The following PTPN5 variants were observed in gnomAD, a reference collection of about 807,000 sequenced individuals.
PTPN5 encodes protein tyrosine phosphatase non-receptor type 5.
A neutral mutation model predicts 73.9 loss-of-function variants in PTPN5; 29 were observed. The observed-to-expected ratio is 0.39, with a 90% CI of 0.29 to 0.54. The LOEUF (loss-of-function observed/expected upper bound fraction) is 0.54, where lower values mean the gene tolerates loss of function less well. PTPN5 is among the 20% of genes least tolerant of loss of function. The pLI, the probability that PTPN5 is intolerant of heterozygous loss-of-function variation, is 0.65. For missense variants in PTPN5, 652 were observed against 751.4 expected, an observed-to-expected ratio of 0.87 and a Z score of 1.55; for synonymous variants, 267 against 304.7, an observed-to-expected ratio of 0.88 and a Z score of 1.29.
Position 18,742,585 on chromosome 11 carries a change from C to A in PTPN5, c.484-82G>T. 1 of 1,551,194 alleles carries A rather than the reference C, an allele frequency of 6.4e-7. No individual in the cohort carries two copies. ...CCTGGAGTGCCCATGGGATTGACGC[C>A]CCCCCACTCCCTCAGTGTGTCTAGA... On this transcript the variant is annotated intron_variant, in intron 6 of 14. Transcript: ENST00000358540. The surrounding 1 kb of genome is among the most constrained non-coding windows in gnomAD (Gnocchi z 4.1).
rs1320604870 is a variant in PTPN5 at position 18,742,586 on chromosome 11, C to T, written c.484-83G>A. 1.9e-6 allele frequency: 3 copies of T among 1,550,646 alleles called. No individual in the cohort carries two copies. The African/African-American group carries it at 4.1e-5, about 21-fold the overall frequency. On this transcript the variant is annotated intron_variant, in intron 6 of 14. Transcript: ENST00000358540. This position sits in a 1 kb window ranked among gnomAD's most constrained non-coding sequence, Gnocchi z 4.1. ...CTGGAGTGCCCATGGGATTGACGCC[C>T]CCCCACTCCCTCAGTGTGTCTAGAG... is the stretch of plus-strand genomic sequence containing the variant.
chr11:18,781,644 A>T (rs1201515212), intron 1 of PTPN5, among the ~76,000 whole-genome samples: 1 of 152,100 alleles, frequency 6.6e-6, no homozygotes, highest in East Asian at 1.9e-4. Context: ...GGGGTGGTTC[A>T]GAATATATTT....
intron 3 of PTPN5, among the ~76,000 whole-genome samples, chr11:18,761,023 T>A (rs1255333438): frequency 6.6e-6 from 1 of 152,246 alleles, no homozygotes; most frequent in Non-Finnish European, 1.5e-5. Flanking sequence ...GGAGTAGCTA[T>A]TAGGGTGGAG....
chr11:18,782,001 C>G (rs1433596518), intron 1 of PTPN5, among the ~76,000 whole-genome samples: 1 of 152,224 alleles, frequency 6.6e-6, no homozygotes, highest in African/African-American at 2.4e-5. Context: ...GTATGCCAGG[C>G]AGACGAGGCA....
chr11:18,765,044 A>C (rs1418385048), intron 3 of PTPN5, among the ~76,000 whole-genome samples: 1 of 152,216 alleles, frequency 6.6e-6, no homozygotes, highest in Non-Finnish European at 1.5e-5. Flanking sequence ...AATGTTCAGA[A>C]GGAGAGATAT....
chr11:18,742,293 G>C lies in PTPN5; in HGVS notation c.694C>G (p.Leu232Val). ...DIKPEADPTS[L>V]TVKSMGLQER... The stretch of plus-strand genomic sequence containing the variant: ...TGCAGACCCATGGACTTGACGGTGA[G>C]TGAGGTGGGGTCAGCCTCAGGCTTG... Residue 232 changes from leucine (L) to valine (V), a missense_variant, in exon 7 of 15, where the codon CTC becomes GTC. Leu to Val is a conservative substitution (Grantham distance 32). Coordinates refer to ENST00000358540, the MANE Select transcript of PTPN5 (RefSeq NM_006906.2). The surrounding 1 kb of genome is among the most constrained non-coding windows in gnomAD (Gnocchi z 4.1). The C allele has an allele frequency of 6.2e-7, 1 of 1,614,164 alleles. No homozygotes were observed. Among genetic ancestry groups the C allele is most frequent in the Non-Finnish European group, 8.5e-7 (1 of 1,180,044 alleles).
At position 18,777,017 on chromosome 11, in the gene PTPN5, C is replaced by T. The variant is rs548120303; in HGVS notation, c.-113-4946G>A. Among the ~76,000 whole-genome samples the T allele has an allele frequency of 3.0e-4, 45 of 152,170 alleles. No individual in the cohort carries two copies. In the South Asian group the frequency reaches 8.3e-3, roughly 28 times the overall value. On this transcript the variant is annotated intron_variant, in intron 1 of 14. Coordinates refer to ENST00000358540, the MANE Select transcript of PTPN5 (RefSeq NM_006906.2). The stretch of plus-strand genomic sequence containing the variant: ...TCTCTACTAAAAATACAAAATTAGC[C>T]GGGCGTGGTGGCGGGCGCCTGTAAT...
Position 18,733,271 on chromosome 11 carries a change from G to C in PTPN5, c.1182C>G (p.Ile394Met). ...CCTCGATGTTGGTGATCATGACAAT[G>C]ATGGGCGTGTGCTCCTGCCACACCA... is the stretch of plus-strand genomic sequence containing the variant. ...WRMVWQEHTP[I>M]IVMITNIEEM... is the part of the protein sequence containing the mutation. The change falls in exon 11 of 15, where the codon ATC becomes ATG. Residue 394 changes from isoleucine (I) to methionine (M), a missense_variant. Ile to Met is a conservative substitution (Grantham distance 10). Coordinates refer to ENST00000358540, the MANE Select transcript of PTPN5 (RefSeq NM_006906.2). The surrounding 1 kb of genome is among the most constrained non-coding windows in gnomAD (Gnocchi z 4.3). 1 of 1,614,032 alleles carries C rather than the reference G, an allele frequency of 6.2e-7. No individual in the cohort carries two copies. Among genetic ancestry groups the C allele is most frequent in the South Asian group, 1.1e-5 (1 of 91,090 alleles).
Position 18,743,058 on chromosome 11 carries a change from C to T in PTPN5, c.417G>A (p.Gly139=), listed in dbSNP as rs899030044. ...QLEPTAWLDS[G]TWGVPSLLLV... Reference sequence around the variant, plus strand: ...GCAGCAGACTGGGGACTCCCCACGTCCCAGAGTCAAGCCAGGCCTGGGGAA... The same window carrying T: ...GCAGCAGACTGGGGACTCCCCACGTTCCAGAGTCAAGCCAGGCCTGGGGAA... Residue 139 remains glycine, a synonymous_variant, in exon 6 of 15, where the codon GGG becomes GGA. Coordinates refer to ENST00000358540, the MANE Select transcript of PTPN5 (RefSeq NM_006906.2). 5 of 1,551,382 alleles carry T rather than the reference C, an allele frequency of 3.2e-6. No individual in the cohort carries two copies. Among genetic ancestry groups the T allele is most frequent in the Non-Finnish European group, 4.4e-6 (5 of 1,146,660 alleles).
rs116891792 is a variant in PTPN5 at position 18,733,277 on chromosome 11, C to G, written c.1176G>C (p.Thr392=). The change falls in exon 11 of 15, where the codon ACG becomes ACC. Residue 392 remains threonine, a synonymous_variant. Transcript: ENST00000358540. The surrounding 1 kb of genome is among the most constrained non-coding windows in gnomAD (Gnocchi z 4.3). ...DFWRMVWQEH[T]PIIVMITNIE... ...TGTTGGTGATCATGACAATGATGGG[C>G]GTGTGCTCCTGCCACACCATGCGCC... 1 of 1,614,000 alleles carries G rather than the reference C, an allele frequency of 6.2e-7. No individual in the cohort carries two copies. The highest frequency in any genetic ancestry group is 1.1e-5 in the South Asian group (1 of 91,088).
chr11:18,729,238 C>T lies in PTPN5; in HGVS notation c.1605-211G>A, dbSNP rs886337298. Among the ~76,000 whole-genome samples, 1 of 152,108 alleles carries T rather than the reference C, an allele frequency of 6.6e-6. No homozygotes were observed. Among genetic ancestry groups the T allele is most frequent in the African/African-American group, 2.4e-5 (1 of 41,426 alleles). On this transcript the variant is annotated intron_variant, in intron 14 of 14. Coordinates refer to ENST00000358540, the MANE Select transcript of PTPN5 (RefSeq NM_006906.2). This position sits in a 1 kb window ranked among gnomAD's most constrained non-coding sequence, Gnocchi z 5.2. ...CTTTCGGCCTCTGTCCTTTTATCCACCAGCTCTGCTTTTCTTCCCTCTTCA... is the reference window on the plus strand; with the variant it reads ...CTTTCGGCCTCTGTCCTTTTATCCATCAGCTCTGCTTTTCTTCCCTCTTCA...
intron 2 of PTPN5, among the ~76,000 whole-genome samples, chr11:18,767,818 G>A (rs1364795995): frequency 6.6e-6 from 1 of 152,178 alleles, no homozygotes; most frequent in African/African-American, 2.4e-5. Context: ...ATAGATGTTG[G>A]GTGGTCTGGT....
At chr11:18,738,250 G>A (rs1191677724) in intron 8 of PTPN5, among the ~76,000 whole-genome samples, 1 of 152,148 alleles carries the variant, frequency 6.6e-6, no homozygotes. Context: ...AAGACAAAAA[G>A]TGACCTGGCC....
At chr11:18,765,191 T>TC (rs1242738981) in intron 3 of PTPN5, among the ~76,000 whole-genome samples, 1 of 152,096 alleles carries the variant, frequency 6.6e-6, no homozygotes, top group African/African-American at 2.4e-5. Context: ...TGTAAAACTC[T>TC]CCCCCCACCC....
Position 18,742,298 on chromosome 11 carries a change from G to C in PTPN5, c.689C>G (p.Thr230Ser). The change falls in exon 7 of 15, where the codon ACC (threonine) becomes AGC (serine). Residue 230 changes from threonine to serine, a missense_variant. Thr to Ser is a moderately conservative substitution (Grantham distance 58). Around this residue, in one of 3 missense-constraint regions of PTPN5, gnomAD observed 529 missense variants for 573.9 expected, o/e 0.92. Transcript: ENST00000358540. The surrounding 1 kb of genome is among the most constrained non-coding windows in gnomAD (Gnocchi z 4.1). Reference protein sequence around the residue: ...VMDIKPEADPTSLTVKSMGLQ... With the variant: ...VMDIKPEADPSSLTVKSMGLQ... ...ACCCATGGACTTGACGGTGAGTGAGGTGGGGTCAGCCTCAGGCTTGATGTC... is the reference window on the plus strand; with the variant it reads ...ACCCATGGACTTGACGGTGAGTGAGCTGGGGTCAGCCTCAGGCTTGATGTC... 6.2e-7 allele frequency: 1 copy of C among 1,614,166 alleles called. No individual in the cohort carries two copies. The highest frequency in any genetic ancestry group is 8.5e-7 in the Non-Finnish European group (1 of 1,180,032).
intron 1 of PTPN5, among the ~76,000 whole-genome samples, chr11:18,786,281 C>T (rs1851665408): frequency 6.6e-6 from 1 of 151,996 alleles, no homozygotes; most frequent in African/African-American, 2.4e-5. Context: ...CGGCTCACTG[C>T]AAGCTCCGCC....
At chr11:18,779,045 C>T (rs543632341) in intron 1 of PTPN5, among the ~76,000 whole-genome samples, 66 of 152,286 alleles carry the variant, frequency 4.3e-4, no homozygotes, top group African/African-American at 1.5e-3. Flanking sequence ...GGCTCCTTCT[C>T]ATGGGGCTGG....
At chr11:18,743,715 A>G (rs1482539444) in intron 4 of PTPN5, 6 of 575,908 alleles carry the variant, frequency 1.0e-5, no homozygotes, top group Non-Finnish European at 1.8e-5. Context: ...GCCTCCACAG[A>G]CAGGAGTTCT....
chr11:18,768,617 G>A (rs1407576111), intron 2 of PTPN5, among the ~76,000 whole-genome samples: 1 of 152,166 alleles, frequency 6.6e-6, no homozygotes, highest in Non-Finnish European at 1.5e-5. Context: ...GTGTGCAGTG[G>A]ACTCTATAAA....
Sources: allele counts gnomAD v4.1 joint callset (sites outside exome capture counted in the v4.1 genomes callset), GRCh38; gene constraint gnomAD v4.1.1; regional missense constraint gnomAD v4.1.1; non-coding constraint Gnocchi (gnomAD v3.1); transcripts MANE v1.5; gene names NCBI Gene and HGNC (gene_info 2026-07-23, HGNC 2026-07-21).